The following DOCK3 variants were observed in gnomAD, a reference collection of about 807,000 sequenced individuals.
DOCK3 encodes the protein dedicator of cytokinesis 3, also known as dedicator of cytokinesis protein 3.
DOCK3 carries 60 observed loss-of-function variants against 265.6 expected under a neutral mutation model. The observed-to-expected ratio is 0.23, with a 90% CI of 0.18 to 0.28. DOCK3 has a LOEUF of 0.28. Ranked by LOEUF, DOCK3 falls within the 10% of genes least tolerant of loss-of-function variation. DOCK3 has a pLI of 1.00. For synonymous variants in DOCK3, 881 were observed against 938.0 expected, an observed-to-expected ratio of 0.94 and a Z score of 1.11; for missense variants, 1,981 against 2,594.3, an observed-to-expected ratio of 0.76 and a Z score of 5.14.
In DOCK3 at chr3:51,311,682, C is replaced by T. The variant is rs9860032; in HGVS notation, c.3018-322C>T. Among the ~76,000 whole-genome samples the T allele has an allele frequency of 3.8e-3, 579 of 152,294 alleles. 4 individuals are homozygous for T. The highest frequency in any genetic ancestry group is 0.013 in the African/African-American group (546 of 41,554). On this transcript the variant is annotated intron_variant, in intron 28 of 52. Transcript: ENST00000266037. ...ACTGGGAGAAACCTTAAAGAACCAT[C>T]GATCTCCTACCACCTTTTATAGGCA...
At chr3:51,185,337 C>G (rs2087533410) in intron 12 of DOCK3, among the ~76,000 whole-genome samples, 1 of 152,072 alleles carries the variant, frequency 6.6e-6, no homozygotes, top group Non-Finnish European at 1.5e-5. Flanking sequence ...TTCTGTGACT[C>G]TAAAATTCTT....
At chr3:51,298,148 T>G (rs1240209345) in intron 27 of DOCK3, among the ~76,000 whole-genome samples, 1 of 152,246 alleles carries the variant, frequency 6.6e-6, no homozygotes, top group Non-Finnish European at 1.5e-5. Flanking sequence ...ATACTCAGAT[T>G]TTCTATTTCT....
At chr3:51,107,506 A>G (rs967308627) in intron 9 of DOCK3, among the ~76,000 whole-genome samples, 11 of 152,240 alleles carry the variant, frequency 7.2e-5, no homozygotes, top group African/African-American at 2.7e-4. Context: ...GCCAGTATAG[A>G]AAAGAACATA....
chr3:50,921,601 G>A (rs1283815268), intron 4 of DOCK3, among the ~76,000 whole-genome samples: 1 of 152,082 alleles, frequency 6.6e-6, no homozygotes, highest in African/African-American at 2.4e-5. Context: ...TGCTAGCGAG[G>A]AGCTGCATTC....
At chr3:51,003,739 A>G (rs539992766) in intron 5 of DOCK3, among the ~76,000 whole-genome samples, 1 of 152,222 alleles carries the variant, frequency 6.6e-6, no homozygotes, top group African/African-American at 2.4e-5. Flanking sequence ...CTTCAATGTA[A>G]TTTTCACTTG....
chr3:50,730,585 T>C (rs1018370937), intron 1 of DOCK3, among the ~76,000 whole-genome samples: 1 of 151,844 alleles, frequency 6.6e-6, no homozygotes, highest in Non-Finnish European at 1.5e-5. Context: ...TGCAGCGCTT[T>C]GGGAGGTCGA....
intron 2 of DOCK3, among the ~76,000 whole-genome samples, chr3:50,830,478 C>T (rs926447163): frequency 2.6e-5 from 4 of 152,094 alleles, no homozygotes; most frequent in African/African-American, 9.7e-5. Context: ...ATATGTTACA[C>T]CTTTGGAATA....
chr3:50,936,490 G>A (rs923416559), intron 5 of DOCK3, among the ~76,000 whole-genome samples: 3 of 151,824 alleles, frequency 2.0e-5, no homozygotes, highest in Non-Finnish European at 4.4e-5. Flanking sequence ...AAACCCCAAA[G>A]AAATCTATAC....
At chr3:50,865,327 A>G (rs1255481827) in intron 3 of DOCK3, among the ~76,000 whole-genome samples, 1 of 152,104 alleles carries the variant, frequency 6.6e-6, no homozygotes, top group African/African-American at 2.4e-5. Flanking sequence ...TCTGGCAACC[A>G]TTCTTCTACT....
intron 2 of DOCK3, among the ~76,000 whole-genome samples, chr3:50,788,828 G>A (rs569969137): frequency 2.0e-5 from 3 of 152,338 alleles, no homozygotes; most frequent in Non-Finnish European, 2.9e-5. Flanking sequence ...GTGGATGTAC[G>A]TGCAGGGAGG....
intron 30 of DOCK3, 75 bp downstream of exon 30, chr3:51,312,651 G>T: frequency 7.1e-7 from 1 of 1,410,472 alleles, no homozygotes. Flanking sequence ...AGTTCTTTCA[G>T]AGGTCCACAA....
In DOCK3 at chr3:51,220,656, CAAAAA is replaced by C. The variant is rs5848918; in HGVS notation, c.1253-4982_1253-4978del. On this transcript the variant is annotated intron_variant, in intron 14 of 52. Coordinates refer to ENST00000266037, the MANE Select transcript of DOCK3 (RefSeq NM_004947.5). ...TTGGCAACAGAGCAAGACTCCATCT[CAAAAA>C]AAAAAAAAAATATATATATATATAT... 8.3e-3 allele frequency among the ~76,000 whole-genome samples: 826 copies of C among 99,754 alleles called. 14 individuals carry two copies. The highest frequency in any genetic ancestry group is 0.032 in the African/African-American group (701 of 21,618). The allele number at this position is 99,754 out of a possible 152,430, so 65.4% of individuals were successfully genotyped here.
At chr3:51,377,075 C>CA (rs1482483338) in intron 51 of DOCK3, among the ~76,000 whole-genome samples, 2 of 152,360 alleles carry the variant, frequency 1.3e-5, no homozygotes, top group East Asian at 3.9e-4. Flanking sequence ...GCTTAGAGCT[C>CA]AAACAGGTGC....
Position 50,841,726 on chromosome 3 carries a change from GT to G in DOCK3, c.162+14del. The G allele has an allele frequency of 1.1e-6, 1 of 923,950 alleles. No homozygotes were observed. Among genetic ancestry groups the G allele is most frequent in the Non-Finnish European group, 1.6e-6 (1 of 638,436 alleles). 57.2% of individuals were successfully genotyped at this position (923,950 alleles called of 1,614,324 possible). ...AAGCCAAATGTGAAGGTAATGAAAAGTTTATTGTTACCTTTTCTAATGTAGG... is the reference window on the plus strand; with the variant it reads ...AAGCCAAATGTGAAGGTAATGAAAAGTTATTGTTACCTTTTCTAATGTAGG... On this transcript the variant is annotated intron_variant, in intron 3 of 52. Coordinates refer to ENST00000266037, the MANE Select transcript of DOCK3 (RefSeq NM_004947.5).
intron 2 of DOCK3, among the ~76,000 whole-genome samples, chr3:50,832,602 T>C (rs1315607724): frequency 6.6e-6 from 1 of 152,212 alleles, no homozygotes; most frequent in Non-Finnish European, 1.5e-5. Flanking sequence ...TTAGAATTCC[T>C]AAACTCCTGG....
chr3:51,266,900 A>G (rs1015513749), intron 23 of DOCK3, among the ~76,000 whole-genome samples: 4 of 152,236 alleles, frequency 2.6e-5, no homozygotes, highest in Non-Finnish European at 4.4e-5. Flanking sequence ...AAGCTATAGA[A>G]TAGGAGAAAA....
intron 27 of DOCK3, among the ~76,000 whole-genome samples, chr3:51,284,746 A>G (rs1342188739): frequency 6.6e-6 from 1 of 152,192 alleles, no homozygotes; most frequent in Non-Finnish European, 1.5e-5. Flanking sequence ...CACCACAGTG[A>G]TAAGTCCAAG....
intron 2 of DOCK3, among the ~76,000 whole-genome samples, chr3:50,803,875 G>A (rs1024095592): frequency 2.6e-5 from 4 of 151,040 alleles, no homozygotes; most frequent in East Asian, 3.9e-4. Context: ...GCGGCTGGCC[G>A]GGCGGGGGCT....
chr3:51,055,044 G>A (rs554437455), intron 5 of DOCK3, among the ~76,000 whole-genome samples: 1 of 152,310 alleles, frequency 6.6e-6, no homozygotes, highest in South Asian at 2.1e-4. Flanking sequence ...AAAGCTCTGT[G>A]AATTGGGCTA....
Sources: gnomAD v4.1 joint callset for allele counts (sites outside exome capture counted in the v4.1 genomes callset) on GRCh38, gnomAD v4.1.1 for gene constraint, MANE v1.5 for transcripts, NCBI Gene and HGNC (gene_info 2026-07-23, HGNC 2026-07-21) for gene names.